Variants in CABCOCO1 observed in about 807,000 individuals in gnomAD.
CABCOCO1 encodes ciliary-associated calcium-binding coiled-coil protein 1.
CABCOCO1 carries 28 observed loss-of-function variants against 35.7 expected under a neutral mutation model. That is an observed-to-expected ratio of 0.78 (90% CI 0.58 to 1.07). The LOEUF (loss-of-function observed/expected upper bound fraction) is 1.07, where lower values mean the gene tolerates loss of function less well. CABCOCO1 is among the 50% of genes least tolerant of loss of function. The pLI is 0.00. For missense variants in CABCOCO1, 326 were observed against 309.2 expected (o/e 1.05, Z -0.41); for synonymous variants, 95 against 100.1 (o/e 0.95, Z 0.30).
intron 2 of CABCOCO1, among the ~76,000 whole-genome samples, chr10:61,680,327 T>C (rs1335628753): frequency 1.4e-5 from 2 of 140,236 alleles, no homozygotes; most frequent in South Asian, 2.1e-4. Context: ...AATATATATA[T>C]ATATATTTAT....
intron 5 of CABCOCO1, among the ~76,000 whole-genome samples, chr10:61,722,276 T>C (rs1292768224): frequency 6.6e-6 from 1 of 152,158 alleles, no homozygotes; most frequent in Non-Finnish European, 1.5e-5. Flanking sequence ...ATATTAGAAA[T>C]AGTACATAAT....
chr10:61,669,561 T>C (rs914415779), intron 1 of CABCOCO1, among the ~76,000 whole-genome samples: 1 of 152,058 alleles, frequency 6.6e-6, no homozygotes, highest in African/African-American at 2.4e-5. Context: ...TGCAAGTCAC[T>C]GTATAAACAA....
At chr10:61,670,798 A>G (rs1839332683) in intron 1 of CABCOCO1, among the ~76,000 whole-genome samples, 2 of 152,040 alleles carry the variant, frequency 1.3e-5, no homozygotes, top group Admixed American at 1.3e-4. Context: ...TCTCCCCTTC[A>G]CAGCTCTTCT....
chr10:61,694,659 C>G (rs1406365555), intron 5 of CABCOCO1, among the ~76,000 whole-genome samples: 1 of 151,796 alleles, frequency 6.6e-6, no homozygotes. Context: ...GAAAGCTCAG[C>G]TAGCAAAGCT....
At chr10:61,735,598 C>T (rs534581759) in intron 5 of CABCOCO1, among the ~76,000 whole-genome samples, 55 of 152,218 alleles carry the variant, frequency 3.6e-4, no homozygotes, top group Middle Eastern at 3.4e-3. Context: ...TTATCTATCA[C>T]CTAAGTTTAT....
At chr10:61,739,377 A>G (rs1242747885) in intron 5 of CABCOCO1, among the ~76,000 whole-genome samples, 1 of 152,240 alleles carries the variant, frequency 6.6e-6, no homozygotes, top group African/African-American at 2.4e-5. Context: ...ATATGGAAGT[A>G]GCTTTAATTC....
chr10:61,745,625 A>C (rs1474710552), intron 5 of CABCOCO1, among the ~76,000 whole-genome samples: 1 of 152,210 alleles, frequency 6.6e-6, no homozygotes, highest in East Asian at 1.9e-4. Context: ...AATCCTGCCT[A>C]TGCCATGTTT....
rs1418262588 is a variant in CABCOCO1, at chr10:61,682,195, T to A, written c.334+883T>A. ...AACTGACTCAGTAACATTTCTTCTA[T>A]GTGAAACTTTATATTGTTGATATTA... On this transcript the variant is annotated intron_variant, in intron 3 of 7. Coordinates refer to ENST00000648843, the MANE Select transcript of CABCOCO1 (RefSeq NM_001366906.2). 2.0e-5 allele frequency among the ~76,000 whole-genome samples: 3 copies of A among 152,180 alleles called. No homozygotes were observed. The South Asian group carries it at 6.2e-4, about 32-fold the overall frequency.
intron 5 of CABCOCO1, among the ~76,000 whole-genome samples, chr10:61,721,026 G>A (rs1841001635): frequency 2.1e-5 from 3 of 143,854 alleles, no homozygotes; most frequent in African/African-American, 7.7e-5. Flanking sequence ...CCGGGTTCAC[G>A]CCATTCTCCC....
At position 61,688,952 on chromosome 10, in the gene CABCOCO1, G is replaced by A. The variant is rs547077734; in HGVS notation, c.480-1597G>A. Among the ~76,000 whole-genome samples the A allele has an allele frequency of 1.2e-4, 18 of 152,298 alleles. No homozygotes were observed. The South Asian group carries it at 3.7e-3, about 32-fold the overall frequency. On this transcript the variant is annotated intron_variant, in intron 4 of 7. Transcript: ENST00000648843. Reference sequence around the variant, plus strand: ...TCCTGGCCTTGCCCCCAAGCCTGCAGCTTTGACCACCGCATACAAATCATG... The same window carrying A: ...TCCTGGCCTTGCCCCCAAGCCTGCAACTTTGACCACCGCATACAAATCATG...
chr10:61,710,253 AGTGTGTGTGT>A (rs55784501), intron 5 of CABCOCO1, among the ~76,000 whole-genome samples: 14,902 of 146,504 alleles, frequency 0.1, 1,475 homozygotes, highest in African/African-American at 0.26. Context: ...TGTGTGTGTG[AGTGTGTGTGT>A]GTGTGTGTGT....
rs998560872 is a variant in CABCOCO1, at chr10:61,760,127, T to C, written c.621T>C (p.Phe207=). 6.2e-7 allele frequency: 1 copy of C among 1,612,066 alleles called. No homozygotes were observed. Among genetic ancestry groups the C allele is most frequent in the Non-Finnish European group, 8.5e-7 (1 of 1,178,588 alleles). ...FPNPLEEGIS[F]DIYSTFIEPP... Reference sequence around the variant, plus strand: ...ATCCTCTGGAAGAAGGAATCTCATTTGATATTTATTCAACATTCATAGAGC... The same window carrying C: ...ATCCTCTGGAAGAAGGAATCTCATTCGATATTTATTCAACATTCATAGAGC... Residue 207 remains phenylalanine (F), a synonymous_variant, in exon 6 of 8, where the codon TTT becomes TTC. Coordinates refer to ENST00000648843, the MANE Select transcript of CABCOCO1 (RefSeq NM_001366906.2).
intron 2 of CABCOCO1, among the ~76,000 whole-genome samples, chr10:61,680,564 TTG>T (rs1254169260): frequency 1.7e-4 from 3 of 17,900 alleles, no homozygotes; most frequent in Admixed American, 8.6e-4. Context: ...TAATATATAT[TTG>T]TATATATTAT....
At chr10:61,749,931 A>G (rs1841744390) in intron 5 of CABCOCO1, among the ~76,000 whole-genome samples, 1 of 151,440 alleles carries the variant, frequency 6.6e-6, no homozygotes, top group Non-Finnish European at 1.5e-5. Flanking sequence ...AACTAGCCCA[A>G]TGCCAAACAC....
At chr10:61,677,477 G>A (rs1036127215) in intron 2 of CABCOCO1, among the ~76,000 whole-genome samples, 1 of 151,928 alleles carries the variant, frequency 6.6e-6, no homozygotes, top group Non-Finnish European at 1.5e-5. Flanking sequence ...CTTCTTTACC[G>A]AATACTAATC....
chr10:61,731,873 C>T (rs1302362354), intron 5 of CABCOCO1, among the ~76,000 whole-genome samples: 1 of 151,712 alleles, frequency 6.6e-6, no homozygotes, highest in East Asian at 1.9e-4. Flanking sequence ...ATTGCTTCAC[C>T]CTTAATATAG....
chr10:61,758,653 A>T (rs537092794), intron 5 of CABCOCO1, among the ~76,000 whole-genome samples: 1 of 152,236 alleles, frequency 6.6e-6, no homozygotes, highest in East Asian at 1.9e-4. Context: ...ACAAAGGACA[A>T]GAAGTCAGCA....
At chr10:61,719,993 C>A (rs777898194) in intron 5 of CABCOCO1, among the ~76,000 whole-genome samples, 49 of 144,580 alleles carry the variant, frequency 3.4e-4, no homozygotes, top group Non-Finnish European at 5.6e-4. Context: ...GACATAGAAA[C>A]AAGGATTGCC....
chr10:61,761,097 C>A, intron 7 of CABCOCO1, 94 bp downstream of exon 7: 1 of 1,314,556 alleles, frequency 7.6e-7, no homozygotes, highest in Non-Finnish European at 1.1e-6. Flanking sequence ...ACACTGCCAG[C>A]ATGAGCGATG....
Sources: gnomAD v4.1 joint callset for allele counts (sites outside exome capture counted in the v4.1 genomes callset) on GRCh38, gnomAD v4.1.1 for gene constraint, MANE v1.5 for transcripts, NCBI Gene and HGNC (gene_info 2026-07-23, HGNC 2026-07-21) for gene names.